MAP3K2: variants seen among roughly 807,000 people sequenced by gnomAD.
MAP3K2 encodes the protein mitogen-activated protein kinase kinase kinase 2.
Under a neutral mutation model 80.3 loss-of-function variants are expected in MAP3K2, and 24 were observed. The ratio of observed to expected loss-of-function variants is 0.30; its 90% CI spans 0.22 to 0.42. MAP3K2 has a LOEUF of 0.42. Among genes scored for constraint, MAP3K2 ranks in the 10% least tolerant of loss-of-function variants. MAP3K2 has a pLI of 1.00. For missense variants in MAP3K2, 608 were observed against 750.1 expected (o/e 0.81, Z 2.21); for synonymous variants, 244 against 253.7 (o/e 0.96, Z 0.36).
intron 3 of MAP3K2, among the ~76,000 whole-genome samples, chr2:127,338,006 G>A (rs1313480065): frequency 1.3e-5 from 2 of 152,160 alleles, no homozygotes; most frequent in Non-Finnish European, 2.9e-5. Context: ...AGAACACCAA[G>A]ATCTATTAGT....
chr2:127,372,478 A>G (rs1687082173), intron 1 of MAP3K2, among the ~76,000 whole-genome samples: 1 of 152,240 alleles, frequency 6.6e-6, no homozygotes, highest in South Asian at 2.1e-4. Flanking sequence ...AAAACTAGCC[A>G]GAAACTTGTC....
intron 1 of MAP3K2, among the ~76,000 whole-genome samples, chr2:127,369,153 T>C (rs1430347483): frequency 6.6e-6 from 1 of 150,820 alleles, no homozygotes; most frequent in East Asian, 2.0e-4. Flanking sequence ...GGTTTCACCA[T>C]ATTGGCCAGG....
At chr2:127,333,423 T>C (rs892453919) in intron 5 of MAP3K2, among the ~76,000 whole-genome samples, 5 of 152,028 alleles carry the variant, frequency 3.3e-5, no homozygotes, top group Admixed American at 3.3e-4. Flanking sequence ...TAACAGTTCA[T>C]TTTGAACAGA....
At chr2:127,377,936 A>G (rs1444447666) in intron 1 of MAP3K2, among the ~76,000 whole-genome samples, 1 of 152,226 alleles carries the variant, frequency 6.6e-6, no homozygotes, top group Non-Finnish European at 1.5e-5. Flanking sequence ...GTGAGCTGAG[A>G]TCACACCACT....
rs1227706686 is a variant in MAP3K2, at chr2:127,298,944, A to T, written c.*8635T>A. 1 of 151,582 alleles carries T rather than the reference A, an allele frequency of 6.6e-6. No individual in the cohort carries two copies. Among genetic ancestry groups the T allele is most frequent in the African/African-American group, 2.4e-5 (1 of 41,298 alleles). 9.4% of individuals were successfully genotyped at this position (151,582 alleles called of 1,614,324 possible). On this transcript the variant is annotated 3_prime_UTR_variant, in exon 17 of 17. Transcript: ENST00000682094. ...ATAAACATGGTTTCTTTTATATTAG[A>T]TTTTTTTTTAAAAAAAAGCTATTTA...
intron 7 of MAP3K2, among the ~76,000 whole-genome samples, chr2:127,329,520 C>G (rs1323926568): frequency 1.3e-5 from 2 of 152,162 alleles, no homozygotes; most frequent in Non-Finnish European, 2.9e-5. Context: ...CCACGCCCAG[C>G]TAATTTTTGT....
chr2:127,344,279 C>T (rs1227076763), intron 1 of MAP3K2, among the ~76,000 whole-genome samples: 1 of 152,016 alleles, frequency 6.6e-6, no homozygotes, highest in Non-Finnish European at 1.5e-5. Context: ...ATATCTTTTC[C>T]ATGCATGCCC....
In MAP3K2 at chr2:127,307,544, G is replaced by A. The variant is rs1458324690; in HGVS notation, c.*35C>T. The A allele has an allele frequency of 1.4e-6, 2 of 1,404,700 alleles. No individual in the cohort carries two copies. The highest frequency in any genetic ancestry group is 2.0e-6 in the Non-Finnish European group (2 of 1,015,930). 87.0% of individuals were successfully genotyped at this position (1,404,700 alleles called of 1,614,324 possible). ...AGAGAGAAGGTGAATGAATAGATGG[G>A]AGCTAGGTAGAGGCACAGGAGAGGT... On this transcript the variant is annotated 3_prime_UTR_variant, in exon 17 of 17. Transcript: ENST00000682094. The surrounding 1 kb of genome is among the most constrained non-coding windows in gnomAD (Gnocchi z 5.4).
In MAP3K2 at chr2:127,387,613, C is replaced by T. The variant is rs971292224; in HGVS notation, c.-227G>A. 8.1e-6 allele frequency: 8 copies of T among 985,000 alleles called. No homozygotes were observed. The highest frequency in any genetic ancestry group is 9.6e-6 in the Non-Finnish European group (8 of 829,800). The allele number at this position is 985,000 out of a possible 1,614,324, so 61.0% of individuals were successfully genotyped here. On this transcript the variant is annotated 5_prime_UTR_variant, in exon 1 of 17. Coordinates refer to ENST00000682094, the MANE Select transcript of MAP3K2 (RefSeq NM_001371910.2). ...GGGCGCGCGAGGAGTCGGGCGCGGG[C>T]CTTGGGGCCAGGCCCGTCCCTCTTT...
At chr2:127,359,740 A>T (rs1686853482) in intron 1 of MAP3K2, among the ~76,000 whole-genome samples, 1 of 151,992 alleles carries the variant, frequency 6.6e-6, no homozygotes, top group African/African-American at 2.4e-5. Context: ...TGGACGTTTA[A>T]AAGTGTGCGG....
At chr2:127,320,071 C>T (rs1350510161) in intron 12 of MAP3K2, among the ~76,000 whole-genome samples, 1 of 152,076 alleles carries the variant, frequency 6.6e-6, no homozygotes, top group Non-Finnish European at 1.5e-5. Flanking sequence ...TTCTATTTAC[C>T]TCCTCCCTTA....
At chr2:127,353,760 G>C (rs1191886454) in intron 1 of MAP3K2, among the ~76,000 whole-genome samples, 1 of 152,164 alleles carries the variant, frequency 6.6e-6, no homozygotes, top group Non-Finnish European at 1.5e-5. Context: ...AGCTCATTGA[G>C]AACGGGCCAT....
chr2:127,365,997 C>A (rs1321306267), intron 1 of MAP3K2, among the ~76,000 whole-genome samples: 3 of 152,206 alleles, frequency 2.0e-5, no homozygotes, highest in African/African-American at 7.2e-5. Flanking sequence ...CCTCTGAGAT[C>A]TTCTTGCATA....
chr2:127,367,447 T>G (rs1686991363), intron 1 of MAP3K2, among the ~76,000 whole-genome samples: 1 of 152,200 alleles, frequency 6.6e-6, no homozygotes, highest in African/African-American at 2.4e-5. Flanking sequence ...TTAAACTGAA[T>G]CAGGAGACAT....
chr2:127,322,331 G>T lies in MAP3K2; in HGVS notation c.839-79C>A. The T allele has an allele frequency of 1.1e-6, 1 of 943,330 alleles. No homozygotes were observed. The highest frequency in any genetic ancestry group is 1.6e-6 in the Non-Finnish European group (1 of 638,220). 58.4% of individuals were successfully genotyped at this position (943,330 alleles called of 1,614,324 possible). A position where few individuals can be genotyped will look rare whatever the true frequency, so the allele number is the denominator to read the frequency against. ...TAAAGTATTTAAAATTTGTAATGTA[G>T]AGAATAGAAATTTGTCCTGTGACTA... On this transcript the variant is annotated intron_variant, in intron 11 of 16. Transcript: ENST00000682094. The surrounding 1 kb of genome is among the most constrained non-coding windows in gnomAD (Gnocchi z 4.2).
chr2:127,369,474 A>T (rs1470402780), intron 1 of MAP3K2, among the ~76,000 whole-genome samples: 1 of 145,824 alleles, frequency 6.9e-6, no homozygotes, highest in Non-Finnish European at 1.5e-5. Flanking sequence ...CTACTAAAAA[A>T]AAAAAAAAAA....
intron 2 of MAP3K2, among the ~76,000 whole-genome samples, chr2:127,340,251 A>G (rs1686450717): frequency 6.6e-6 from 1 of 152,214 alleles, no homozygotes; most frequent in Non-Finnish European, 1.5e-5. Context: ...TAGTTTAGCC[A>G]AATAGGTAAC....
At position 127,387,628 on chromosome 2, in the gene MAP3K2, C is replaced by G. The variant is rs1687394333; in HGVS notation, c.-242G>C. 2.0e-5 allele frequency: 20 copies of G among 984,894 alleles called. No homozygotes were observed. Among genetic ancestry groups the G allele is most frequent in the Non-Finnish European group, 2.3e-5 (19 of 829,786 alleles). The allele number at this position is 984,894 out of a possible 1,614,324, so 61.0% of individuals were successfully genotyped here. A position where few individuals can be genotyped will look rare whatever the true frequency, so the allele number is the denominator to read the frequency against. On this transcript the variant is annotated 5_prime_UTR_variant, in exon 1 of 17. Coordinates refer to ENST00000682094, the MANE Select transcript of MAP3K2 (RefSeq NM_001371910.2). The stretch of plus-strand genomic sequence containing the variant: ...CGGGCGCGGGCCTTGGGGCCAGGCC[C>G]GTCCCTCTTTCACATGAAGCCCGGG...
chr2:127,342,273 C>T lies in MAP3K2; in HGVS notation c.4+853G>A, dbSNP rs1033034440. On this transcript the variant is annotated intron_variant, in intron 2 of 16. Coordinates refer to ENST00000682094, the MANE Select transcript of MAP3K2 (RefSeq NM_001371910.2). ...GACTACAGAAGAGGAAGTGGAAGAA[C>T]AATTTTTAAAGTAGGGAGGTGAAGT... Among the ~76,000 whole-genome samples, 3 of 152,024 alleles carry T rather than the reference C, an allele frequency of 2.0e-5. No homozygotes were observed. In the East Asian group the frequency reaches 5.8e-4, roughly 29 times the overall value.
Sources: gnomAD v4.1 joint callset for allele counts (sites outside exome capture counted in the v4.1 genomes callset) on GRCh38, gnomAD v4.1.1 for gene constraint, Gnocchi (gnomAD v3.1) non-coding constraint, MANE v1.5 for transcripts, NCBI Gene and HGNC (gene_info 2026-07-23, HGNC 2026-07-21) for gene names.